Variants in SNX10 observed in about 807,000 individuals in gnomAD.
The protein encoded by SNX10 is sorting nexin 10, also known as sorting nexin-10.
In SNX10, 25 loss-of-function variants were observed where a neutral mutation model predicts 28.5. The ratio of observed to expected loss-of-function variants is 0.88; its 90% confidence interval spans 0.64 to 1.22. The LOEUF is 1.22. Among genes scored for constraint, SNX10 ranks in the 50% most tolerant of loss-of-function variants. The probability of loss-of-function intolerance (pLI) is 0.00; values close to 1 mark genes in which losing one functional copy is unlikely to be tolerated. For missense variants in SNX10, 223 were observed against 242.6 expected (o/e 0.92, Z 0.54); for synonymous variants, 62 against 81.4 (o/e 0.76, Z 1.28).
chr7:26,363,277 C>T (rs1049776428), intron 3 of SNX10, among the ~76,000 whole-genome samples: 1 of 152,154 alleles, frequency 6.6e-6, no homozygotes, highest in Admixed American at 6.6e-5. Flanking sequence ...TGTCTACATT[C>T]TGAAGTTTTC....
At chr7:26,328,655 A>G (rs1418000037) in intron 1 of SNX10, among the ~76,000 whole-genome samples, 1 of 152,166 alleles carries the variant, frequency 6.6e-6, no homozygotes, top group Non-Finnish European at 1.5e-5. Flanking sequence ...ATGCCTCACC[A>G]CTGAAACTGC....
chr7:26,331,800 C>T (rs1400299480), intron 1 of SNX10, among the ~76,000 whole-genome samples: 1 of 149,382 alleles, frequency 6.7e-6, no homozygotes, highest in Non-Finnish European at 1.5e-5. Context: ...AACCAGTAGT[C>T]TATGTTCCAT....
At chr7:26,310,786 C>A (rs1786807210) in intron 1 of SNX10, among the ~76,000 whole-genome samples, 2 of 151,756 alleles carry the variant, frequency 1.3e-5, no homozygotes. Context: ...GGGTTCACGC[C>A]ATTCTCCTGT....
At chr7:26,357,879 G>A (rs1788888193) in intron 2 of SNX10, among the ~76,000 whole-genome samples, 1 of 152,090 alleles carries the variant, frequency 6.6e-6, no homozygotes. Flanking sequence ...GGGACTTCTA[G>A]GTGGATCAGG....
chr7:26,345,559 G>C (rs573430569), intron 1 of SNX10, among the ~76,000 whole-genome samples: 2 of 152,280 alleles, frequency 1.3e-5, no homozygotes, highest in African/African-American at 4.8e-5. Flanking sequence ...AGCGGAGCCT[G>C]TGTTCCTGCT....
At chr7:26,369,317 GA>G (rs1009387627) in intron 5 of SNX10, among the ~76,000 whole-genome samples, 1 of 151,994 alleles carries the variant, frequency 6.6e-6, no homozygotes. Flanking sequence ...CATGACTAAG[GA>G]AAAAATAGTA....
intron 1 of SNX10, among the ~76,000 whole-genome samples, chr7:26,309,280 A>T (rs772291894): frequency 6.6e-6 from 1 of 151,702 alleles, no homozygotes; most frequent in Non-Finnish European, 1.5e-5. Context: ...GGCACATCAC[A>T]GTGAGCATTG....
At chr7:26,357,631 G>T (rs148008451) in intron 2 of SNX10, among the ~76,000 whole-genome samples, 1 of 152,274 alleles carries the variant, frequency 6.6e-6, no homozygotes, top group East Asian at 1.9e-4. Flanking sequence ...AAATAAATTA[G>T]CAGTTCTTGC....
At chr7:26,343,985 A>G (rs2128010830) in intron 1 of SNX10, among the ~76,000 whole-genome samples, 1 of 152,174 alleles carries the variant, frequency 6.6e-6, no homozygotes, top group South Asian at 2.1e-4. Flanking sequence ...AAAACACACA[A>G]CCTAAAATGT....
chr7:26,333,780 G>C (rs114214824), intron 1 of SNX10, among the ~76,000 whole-genome samples: 1,596 of 152,212 alleles, frequency 0.01, 25 homozygotes, highest in African/African-American at 0.036. Context: ...TTCTTCAGGA[G>C]GTTGTGTTCT....
At chr7:26,297,913 T>C (rs1786175354) in intron 1 of SNX10, among the ~76,000 whole-genome samples, 1 of 152,108 alleles carries the variant, frequency 6.6e-6, no homozygotes, top group African/African-American at 2.4e-5. Flanking sequence ...GAAGAATATA[T>C]TAATACCATA....
At chr7:26,357,619 C>A (rs1534696) in intron 2 of SNX10, among the ~76,000 whole-genome samples, 87,985 of 151,870 alleles carry the variant, frequency 0.58, 25,808 homozygotes, top group East Asian at 0.8. Context: ...ATATGGGCCC[C>A]GAAATAAATT....
At chr7:26,313,723 A>G (rs550261185) in intron 1 of SNX10, among the ~76,000 whole-genome samples, 1 of 151,172 alleles carries the variant, frequency 6.6e-6, no homozygotes, top group South Asian at 2.1e-4. Context: ...GTGGCATAAT[A>G]ATTAAAAAAA....
At chr7:26,323,284 T>C (rs1213974482) in intron 1 of SNX10, among the ~76,000 whole-genome samples, 1 of 151,574 alleles carries the variant, frequency 6.6e-6, no homozygotes, top group Non-Finnish European at 1.5e-5. Context: ...ATAAATAAAA[T>C]AGTGTAAAAC....
At chr7:26,369,908 C>T (rs1301882060) in intron 5 of SNX10, among the ~76,000 whole-genome samples, 8 of 152,150 alleles carry the variant, frequency 5.3e-5, no homozygotes, top group Non-Finnish European at 1.0e-4. Flanking sequence ...AATAACAACA[C>T]GTGAGCAGTT....
intron 2 of SNX10, among the ~76,000 whole-genome samples, chr7:26,353,202 T>C (rs1347982173): frequency 2.6e-5 from 4 of 152,216 alleles, no homozygotes; most frequent in Admixed American, 2.0e-4. Context: ...GAGGATGGTA[T>C]TTAAACATAC....
intron 2 of SNX10, among the ~76,000 whole-genome samples, chr7:26,353,605 C>T (rs1367024170): frequency 6.6e-6 from 1 of 152,024 alleles, no homozygotes; most frequent in East Asian, 1.9e-4. Context: ...GTGTGTGCCA[C>T]CACACCTGGC....
chr7:26,319,488 T>C (rs969673294), intron 1 of SNX10, among the ~76,000 whole-genome samples: 2 of 152,178 alleles, frequency 1.3e-5, no homozygotes, highest in Non-Finnish European at 2.9e-5. Flanking sequence ...ATAAATGATA[T>C]GTTCAGAGAT....
chr7:26,304,831 T>A (rs1313216827), intron 1 of SNX10, among the ~76,000 whole-genome samples: 1 of 152,218 alleles, frequency 6.6e-6, no homozygotes, highest in East Asian at 1.9e-4. Context: ...ACATTCTTTT[T>A]TAACCCCGGT....
Sources: gnomAD v4.1 joint callset for allele counts (sites outside exome capture counted in the v4.1 genomes callset) on GRCh38, gnomAD v4.1.1 for gene constraint, MANE v1.5 for transcripts, NCBI Gene and HGNC (gene_info 2026-07-23, HGNC 2026-07-21) for gene names.